Variants in RHOU observed in about 807,000 individuals in gnomAD.
The protein encoded by RHOU is rho-related GTP-binding protein RhoU.
A neutral mutation model predicts 12.6 loss-of-function variants in RHOU; 8 were observed. The ratio of observed to expected loss-of-function variants is 0.64; its 90% CI spans 0.37 to 1.15. The LOEUF is 1.15. RHOU is among the 50% of genes most tolerant of loss of function. The pLI is 0.01. For missense variants in RHOU, 258 were observed against 347.0 expected (o/e 0.74, Z 2.04); for synonymous variants, 161 against 147.4 (o/e 1.09, Z -0.67).
chr1:228,699,946 A>G, the RHOU span, among the ~76,000 whole-genome samples: 1 of 152,218 alleles, frequency 6.6e-6, no homozygotes, highest in African/African-American at 2.4e-5. Context: ...TTATCTTTCT[A>G]GAATTATAGG....
At chr1:228,649,634 C>T in the RHOU span, among the ~76,000 whole-genome samples, 20 of 152,206 alleles carry the variant, frequency 1.3e-4, no homozygotes, top group African/African-American at 4.8e-4. Context: ...GTGTTTTTAA[C>T]CTTTTGATAT....
the RHOU span, among the ~76,000 whole-genome samples, chr1:228,716,275 G>T: frequency 6.6e-6 from 1 of 152,090 alleles, no homozygotes; most frequent in Non-Finnish European, 1.5e-5. Context: ...CCCACACCTT[G>T]CCCCCTTCCT....
chr1:228,740,344 T>A (rs115763271), intron 2 of RHOU, among the ~76,000 whole-genome samples: 2,157 of 152,194 alleles, frequency 0.014, 44 homozygotes, highest in African/African-American at 0.049. Flanking sequence ...GTTAGAAGAG[T>A]ATACCCAATT....
chr1:228,712,335 A>C, the RHOU span, among the ~76,000 whole-genome samples: 4 of 149,436 alleles, frequency 2.7e-5, no homozygotes, highest in Non-Finnish European at 4.5e-5. Flanking sequence ...ACTATAAATC[A>C]TGCTGCTATA....
the RHOU span, among the ~76,000 whole-genome samples, chr1:228,667,465 A>C: frequency 6.6e-6 from 1 of 152,164 alleles, no homozygotes; most frequent in Non-Finnish European, 1.5e-5. Flanking sequence ...TTGAATCTTA[A>C]ACACACTTGC....
the RHOU span, among the ~76,000 whole-genome samples, chr1:228,728,113 A>ATGGCAG: frequency 6.6e-6 from 1 of 152,210 alleles, no homozygotes. Flanking sequence ...TCAAAGAGGA[A>ATGGCAG]TGGCAGGGTT....
At chr1:228,732,672 C>G (rs1378861993), upstream of RHOU, among the ~76,000 whole-genome samples, 3 of 151,800 alleles carry the variant, frequency 2.0e-5, no homozygotes, top group Non-Finnish European at 4.4e-5. Context: ...AAAAACGGGC[C>G]CAAATGAGTG....
the RHOU span, among the ~76,000 whole-genome samples, chr1:228,657,327 A>T: frequency 6.6e-6 from 1 of 151,370 alleles, no homozygotes; most frequent in East Asian, 1.9e-4. Context: ...AATAAAAAAA[A>T]AAGAAAAAAG....
the RHOU span, among the ~76,000 whole-genome samples, chr1:228,708,517 GA>G: frequency 6.6e-6 from 1 of 151,502 alleles, no homozygotes; most frequent in African/African-American, 2.4e-5. Flanking sequence ...CATTCTTAAA[GA>G]AAAGAATTTT....
chr1:228,714,981 A>G, the RHOU span, among the ~76,000 whole-genome samples: 70 of 152,040 alleles, frequency 4.6e-4, 1 homozygote, highest in Non-Finnish European at 8.5e-4. Context: ...TGACTTCGTG[A>G]TCTGCCTGCC....
At chr1:228,687,118 C>T in the RHOU span, among the ~76,000 whole-genome samples, 5 of 152,234 alleles carry the variant, frequency 3.3e-5, no homozygotes, top group South Asian at 1.0e-3. Flanking sequence ...AACTCATTTT[C>T]CACTATTTGA....
chr1:228,730,434 T>C, the RHOU span, among the ~76,000 whole-genome samples: 199 of 152,284 alleles, frequency 1.3e-3, no homozygotes, highest in Middle Eastern at 3.4e-3. Flanking sequence ...ATGATATCAC[T>C]GCAAAGCAGG....
the RHOU span, among the ~76,000 whole-genome samples, chr1:228,692,021 C>A: frequency 6.6e-6 from 1 of 152,168 alleles, no homozygotes; most frequent in African/African-American, 2.4e-5. Flanking sequence ...ATGAGACCTT[C>A]AAAAATGCAG....
the RHOU span, among the ~76,000 whole-genome samples, chr1:228,682,606 A>T: frequency 1.3e-5 from 2 of 152,058 alleles, no homozygotes; most frequent in African/African-American, 4.8e-5. Context: ...AGGGTGGGGG[A>T]GATTGCAAAG....
rs539604749 is a variant in RHOU, at chr1:228,743,121, G to C, written c.322-164G>C. On this transcript the variant is annotated intron_variant, in intron 2 of 2. Coordinates refer to ENST00000366691, the MANE Select transcript of RHOU (RefSeq NM_021205.6). The surrounding 1 kb of genome is among the most constrained non-coding windows in gnomAD (Gnocchi z 5.1). ...ACACCTTCGCTGGTGCACTGGCCCC[G>C]CTTGGGTAAACAGTAGGATCGTTTC... is the stretch of plus-strand genomic sequence containing the variant. Among the ~76,000 whole-genome samples, 41 of 152,286 alleles carry C rather than the reference G, an allele frequency of 2.7e-4. No homozygotes were observed. Among genetic ancestry groups the C allele is most frequent in the African/African-American group, 9.9e-4 (41 of 41,550 alleles).
At chr1:228,669,414 C>T in the RHOU span, among the ~76,000 whole-genome samples, 2 of 152,164 alleles carry the variant, frequency 1.3e-5, no homozygotes, top group African/African-American at 2.4e-5. Context: ...TGCATTACAG[C>T]CTCTGTGCTT....
At chr1:228,721,716 A>T in the RHOU span, among the ~76,000 whole-genome samples, 1 of 152,208 alleles carries the variant, frequency 6.6e-6, no homozygotes, top group African/African-American at 2.4e-5. Flanking sequence ...GCTGGAGGGC[A>T]ATGGCGGGAT....
chr1:228,695,482 T>A, the RHOU span, among the ~76,000 whole-genome samples: 2 of 152,120 alleles, frequency 1.3e-5, no homozygotes, highest in African/African-American at 4.8e-5. Flanking sequence ...GAGGGCTCAG[T>A]CACACAAGAC....
chr1:228,728,827 C>T, the RHOU span, among the ~76,000 whole-genome samples: 1 of 152,174 alleles, frequency 6.6e-6, no homozygotes, highest in Admixed American at 6.5e-5. Flanking sequence ...CCCTTTCCTT[C>T]CTGAATGTAA....
Sources: gnomAD v4.1 joint callset for allele counts (sites outside exome capture counted in the v4.1 genomes callset) on GRCh38, gnomAD v4.1.1 for gene constraint, Gnocchi (gnomAD v3.1) non-coding constraint, MANE v1.5 for transcripts, NCBI Gene and HGNC (gene_info 2026-07-23, HGNC 2026-07-21) for gene names.